Variants in DNAAF11 observed in about 807,000 individuals in gnomAD.
The protein encoded by DNAAF11 is dynein axonemal assembly factor 11.
Under a neutral mutation model 60.8 loss-of-function variants are expected in DNAAF11, and 45 were observed. The ratio of observed to expected loss-of-function variants is 0.74; its 90% CI spans 0.58 to 0.95. The LOEUF is 0.95. Among genes scored for constraint, DNAAF11 ranks in the 40% least tolerant of loss-of-function variants. The probability of loss-of-function intolerance (pLI) is 0.00; values close to 1 mark genes in which losing one functional copy is unlikely to be tolerated. For synonymous variants in DNAAF11, 191 were observed against 183.5 expected (o/e 1.04, Z -0.33); for missense variants, 546 against 546.2 (o/e 1.00, Z 0.00).
the DNAAF11 span, among the ~76,000 whole-genome samples, chr8:132,689,550 CTT>C: frequency 2.0e-5 from 3 of 152,106 alleles, no homozygotes; most frequent in East Asian, 5.8e-4. Context: ...CTTCCACACT[CTT>C]TTTATTGTTT....
At chr8:132,641,106 A>G (rs1821808656) in intron 3 of DNAAF11, among the ~76,000 whole-genome samples, 1 of 152,174 alleles carries the variant, frequency 6.6e-6, no homozygotes, top group Non-Finnish European at 1.5e-5. Flanking sequence ...TAAATATAAA[A>G]GGAATGATGG....
At chr8:132,592,530 C>G (rs956007293) in intron 10 of DNAAF11, among the ~76,000 whole-genome samples, 3 of 152,024 alleles carry the variant, frequency 2.0e-5, no homozygotes, top group Non-Finnish European at 2.9e-5. Context: ...CTACAGCATG[C>G]AGGAATTGTA....
intron 11 of DNAAF11, among the ~76,000 whole-genome samples, chr8:132,573,435 T>C (rs922471442): frequency 6.6e-6 from 1 of 152,206 alleles, no homozygotes; most frequent in African/African-American, 2.4e-5. Flanking sequence ...ACAGAATTAA[T>C]GACACTCTCA....
At chr8:132,691,391 A>T in the DNAAF11 span, among the ~76,000 whole-genome samples, 2 of 152,186 alleles carry the variant, frequency 1.3e-5, no homozygotes, top group African/African-American at 2.4e-5. Context: ...ACTACAAGAC[A>T]GCCCAGGCTC....
chr8:132,687,796 T>C, the DNAAF11 span: 2 of 422,426 alleles, frequency 4.7e-6, no homozygotes, highest in South Asian at 1.8e-5. Flanking sequence ...GCTTTGATAT[T>C]GACCTGCATT....
intron 4 of DNAAF11, among the ~76,000 whole-genome samples, chr8:132,636,674 A>C (rs1821329103): frequency 6.6e-6 from 1 of 152,206 alleles, no homozygotes; most frequent in South Asian, 2.1e-4. Context: ...GGAACGGCTC[A>C]CAGCATTACA....
the DNAAF11 span, among the ~76,000 whole-genome samples, chr8:132,684,341 A>G: frequency 1.1e-4 from 17 of 152,332 alleles, no homozygotes; most frequent in East Asian, 3.1e-3. Flanking sequence ...CCTAGCACCA[A>G]TGTTTGATCA....
At chr8:132,662,995 T>C (rs754265380) in intron 1 of DNAAF11, among the ~76,000 whole-genome samples, 2 of 152,244 alleles carry the variant, frequency 1.3e-5, no homozygotes, top group Non-Finnish European at 2.9e-5. Context: ...GTGCTTGCAA[T>C]GACAGTTCTT....
upstream of DNAAF11, among the ~76,000 whole-genome samples, chr8:132,679,023 T>A (rs550853756): frequency 5.3e-5 from 8 of 152,088 alleles, no homozygotes; most frequent in Non-Finnish European, 1.2e-4. Flanking sequence ...ACACTGCCCA[T>A]GTACTTTGAA....
At chr8:132,627,692 T>C (rs117113604) in intron 5 of DNAAF11, among the ~76,000 whole-genome samples, 103 of 152,344 alleles carry the variant, frequency 6.8e-4, no homozygotes, top group Non-Finnish European at 1.2e-3. Flanking sequence ...CCTCTCGTTC[T>C]ACTTTTCATT....
chr8:132,695,742 G>A, the DNAAF11 span, among the ~76,000 whole-genome samples: 3 of 152,224 alleles, frequency 2.0e-5, no homozygotes, highest in East Asian at 3.9e-4. Context: ...AGGCCCGGAT[G>A]TGTGTTTTTT....
At chr8:132,576,613 C>T (rs1814775903) in intron 11 of DNAAF11, among the ~76,000 whole-genome samples, 1 of 152,056 alleles carries the variant, frequency 6.6e-6, no homozygotes, top group Non-Finnish European at 1.5e-5. Flanking sequence ...TCCAAAATGC[C>T]CCCAAATCTA....
At position 132,675,156 on chromosome 8, in the gene DNAAF11, A is replaced by AC. The variant is rs1825664915; in HGVS notation, c.10+327dup. 3 of 346,756 alleles carry AC rather than the reference A, an allele frequency of 8.7e-6. No individual in the cohort carries two copies. The South Asian group carries it at 3.9e-4, about 45-fold the overall frequency. 21.5% of individuals were successfully genotyped at this position (346,756 alleles called of 1,614,324 possible). On this transcript the variant is annotated intron_variant, in intron 1 of 11. Coordinates refer to ENST00000620350, the MANE Select transcript of DNAAF11 (RefSeq NM_012472.6). ...GCCAGTAAGGAGCCACTTGGCCGGA[A>AC]CGTGGTGTGTCTGGCGCCAAAACCC... is the stretch of plus-strand genomic sequence containing the variant.
intron 7 of DNAAF11, among the ~76,000 whole-genome samples, chr8:132,618,420 T>C (rs1819405117): frequency 1.0e-5 from 1 of 100,078 alleles, no homozygotes; most frequent in Admixed American, 1.2e-4. Context: ...CCAAAAGCAA[T>C]GGCAACAAAA....
chr8:132,604,235 TCA>T (rs1431575927), intron 10 of DNAAF11, among the ~76,000 whole-genome samples: 2 of 152,278 alleles, frequency 1.3e-5, no homozygotes, highest in East Asian at 3.9e-4. Flanking sequence ...GTTGGGTATA[TCA>T]CCAGTATATT....
At chr8:132,639,596 T>G (rs1345412214) in intron 3 of DNAAF11, among the ~76,000 whole-genome samples, 1 of 152,206 alleles carries the variant, frequency 6.6e-6, no homozygotes, top group African/African-American at 2.4e-5. Context: ...GGCTATATAA[T>G]GGAACCAACT....
At chr8:132,661,200 T>C (rs1824094913) in intron 2 of DNAAF11, among the ~76,000 whole-genome samples, 1 of 152,128 alleles carries the variant, frequency 6.6e-6, no homozygotes, top group Non-Finnish European at 1.5e-5. Context: ...TGATGTGTTC[T>C]CTGTCTTTTT....
intron 2 of DNAAF11, among the ~76,000 whole-genome samples, chr8:132,657,709 C>T (rs1444528782): frequency 1.3e-5 from 2 of 152,124 alleles, no homozygotes; most frequent in South Asian, 4.1e-4. Context: ...GTTAATAATA[C>T]CATAGCAACT....
At chr8:132,642,991 G>A (rs1414126832) in intron 3 of DNAAF11, among the ~76,000 whole-genome samples, 1 of 152,222 alleles carries the variant, frequency 6.6e-6, no homozygotes, top group Non-Finnish European at 1.5e-5. Flanking sequence ...TTTCACCTCA[G>A]ATCATCAGGC....
Sources: gnomAD v4.1 joint callset for allele counts (sites outside exome capture counted in the v4.1 genomes callset) on GRCh38, gnomAD v4.1.1 for gene constraint, MANE v1.5 for transcripts, NCBI Gene and HGNC (gene_info 2026-07-23, HGNC 2026-07-21) for gene names.